Variants in ARHGEF10L observed in about 807,000 individuals in gnomAD.
The protein encoded by ARHGEF10L is Rho guanine nucleotide exchange factor 10 like.
In ARHGEF10L, 69 loss-of-function variants were observed where a neutral mutation model predicts 141.2. That is an observed-to-expected ratio of 0.49 (90% CI 0.40 to 0.60). The LOEUF is 0.60. Among genes scored for constraint, ARHGEF10L ranks in the 20% least tolerant of loss-of-function variants. The pLI, the probability that ARHGEF10L is intolerant of heterozygous loss-of-function variation, is 0.00. For missense variants in ARHGEF10L, 1,482 were observed against 1,734.3 expected (o/e 0.85, Z 2.58); for synonymous variants, 711 against 718.5 (o/e 0.99, Z 0.17).
At chr1:17,544,517 A>G (rs1219763064) in intron 1 of ARHGEF10L, among the ~76,000 whole-genome samples, 1 of 151,360 alleles carries the variant, frequency 6.6e-6, no homozygotes. Flanking sequence ...CTGGTCTCAA[A>G]CTCCTGACCT....
At chr1:17,514,162 A>T in the ARHGEF10L span, among the ~76,000 whole-genome samples, 2 of 95,152 alleles carry the variant, frequency 2.1e-5, no homozygotes, top group African/African-American at 4.2e-5. Context: ...TTTTTGACAG[A>T]GTCTCGCTCC....
Position 17,654,730 on chromosome 1 carries a change from ACC to A in ARHGEF10L, c.2481+13_2481+14del. The A allele has an allele frequency of 3.1e-6, 5 of 1,612,836 alleles. No homozygotes were observed. The highest frequency in any genetic ancestry group is 4.2e-6 in the Non-Finnish European group (5 of 1,179,350). On this transcript the variant is annotated intron_variant, in intron 23 of 28. Transcript: ENST00000361221. The surrounding 1 kb of genome is among the most constrained non-coding windows in gnomAD (Gnocchi z 4.3). ...CCACAGGGCTACCTCTGGGTGAGTC[ACC>A]CCCCTGCCCAGCTGGGCATTCTGGC...
chr1:17,551,214 GCA>G (rs1473360447), intron 1 of ARHGEF10L, among the ~76,000 whole-genome samples: 5 of 152,246 alleles, frequency 3.3e-5, no homozygotes, highest in African/African-American at 1.2e-4. Context: ...TATTTACTAA[GCA>G]CCTACTGAAT....
chr1:17,624,254 A>T (rs925534524), intron 12 of ARHGEF10L, 133 bp from the exon 13 acceptor site: 82 of 728,250 alleles, frequency 1.1e-4, no homozygotes, highest in Non-Finnish European at 1.9e-4. Context: ...CGAGGTCCCA[A>T]GGGAGTGTGG....
intron 19 of ARHGEF10L, 105 bp from the exon 20 acceptor site, chr1:17,638,457 T>C: frequency 6.6e-7 from 1 of 1,516,784 alleles, no homozygotes; most frequent in Non-Finnish European, 8.9e-7. Context: ...CCAGGACTTC[T>C]TCAGTTTCTC....
chr1:17,557,729 G>C (rs2077391016), intron 1 of ARHGEF10L, among the ~76,000 whole-genome samples: 1 of 152,228 alleles, frequency 6.6e-6, no homozygotes, highest in Non-Finnish European at 1.5e-5. Context: ...TAGGTCCGGG[G>C]AAGGACTCAT....
intron 21 of ARHGEF10L, among the ~76,000 whole-genome samples, chr1:17,647,683 C>T (rs908864252): frequency 2.0e-5 from 3 of 152,052 alleles, no homozygotes; most frequent in African/African-American, 2.4e-5. Context: ...AAATGGACCA[C>T]GGATGATTTT....
chr1:17,634,370 A>C (rs2060874260), intron 16 of ARHGEF10L, 178 bp from the exon 17 acceptor site: 1 of 952,532 alleles, frequency 1.0e-6, no homozygotes, highest in African/African-American at 1.6e-5. Flanking sequence ...CCAGAGATGA[A>C]GGAAGGCCCG....
At position 17,609,322 on chromosome 1, in the gene ARHGEF10L, G is replaced by C. The variant is rs1030941761; in HGVS notation, c.609+1345G>C. Among the ~76,000 whole-genome samples the C allele has an allele frequency of 3.9e-5, 6 of 152,216 alleles. No individual in the cohort carries two copies. In the East Asian group the frequency reaches 1.2e-3, roughly 29 times the overall value. On this transcript the variant is annotated intron_variant, in intron 7 of 28. Transcript: ENST00000361221. ...TCCTGAGCAAGCCTGGGACTGAGCAGGTCTCTCTCAGCCTGCTGTTTCCAG... is the reference window on the plus strand; with the variant it reads ...TCCTGAGCAAGCCTGGGACTGAGCACGTCTCTCTCAGCCTGCTGTTTCCAG...
rs1234758068 is a variant in ARHGEF10L at position 17,556,188 on chromosome 1, G to A, written c.-44+16238G>A. ...GAGCATTGGGGGAGGCTGGGAGCCC[G>A]GAGAGGGGCCTGGGAGCACAGGGGG... On this transcript the variant is annotated intron_variant, in intron 1 of 28. Transcript: ENST00000361221. Among the ~76,000 whole-genome samples, 11 of 124,880 alleles carry A rather than the reference G, an allele frequency of 8.8e-5. No homozygotes were observed. The East Asian group carries it at 2.7e-3, about 31-fold the overall frequency. 81.9% of individuals were successfully genotyped at this position (124,880 alleles called of 152,430 possible).
In ARHGEF10L at chr1:17,619,984, T is replaced by A. The variant is rs1318833765; in HGVS notation, c.942+539T>A. ...CCGGTGGGTCAGCTGAGGTCAGGAG[T>A]TCGAGACCATCCTGGCCAACATGGT... On this transcript the variant is annotated intron_variant, in intron 10 of 28. Coordinates refer to ENST00000361221, the MANE Select transcript of ARHGEF10L (RefSeq NM_018125.4). This position sits in a 1 kb window ranked among gnomAD's most constrained non-coding sequence, Gnocchi z 5.0. 1.3e-5 allele frequency among the ~76,000 whole-genome samples: 2 copies of A among 151,590 alleles called. No individual in the cohort carries two copies. Among genetic ancestry groups the A allele is most frequent in the Non-Finnish European group, 2.9e-5 (2 of 67,876 alleles).
intron 21 of ARHGEF10L, among the ~76,000 whole-genome samples, chr1:17,647,402 A>G (rs951600021): frequency 6.6e-6 from 1 of 152,190 alleles, no homozygotes; most frequent in Non-Finnish European, 1.5e-5. Context: ...GGTGCATAGT[A>G]GGTGGTGTCT....
chr1:17,543,381 G>C (rs2100627681), intron 1 of ARHGEF10L, among the ~76,000 whole-genome samples: 1 of 152,156 alleles, frequency 6.6e-6, no homozygotes, highest in East Asian at 2.0e-4. Context: ...TCGGGAGTTC[G>C]AGACTAGCCT....
rs116189249 is a variant in ARHGEF10L, at chr1:17,619,960, C to A, written c.942+515C>A. Among the ~76,000 whole-genome samples, 5,623 of 151,902 alleles carry A rather than the reference C, an allele frequency of 0.037. 372 individuals are homozygous for A. Among genetic ancestry groups the A allele is most frequent in the African/African-American group, 0.13 (5,340 of 41,352 alleles). On this transcript the variant is annotated intron_variant, in intron 10 of 28. Transcript: ENST00000361221. The surrounding 1 kb of genome is among the most constrained non-coding windows in gnomAD (Gnocchi z 5.0). ...CCCCAGCACTTTGGGAGGGTGAAGCCGGTGGGTCAGCTGAGGTCAGGAGTT... is the reference window on the plus strand; with the variant it reads ...CCCCAGCACTTTGGGAGGGTGAAGCAGGTGGGTCAGCTGAGGTCAGGAGTT...
At chr1:17,650,471 G>A (rs1463711138) in intron 22 of ARHGEF10L, among the ~76,000 whole-genome samples, 2 of 151,910 alleles carry the variant, frequency 1.3e-5, no homozygotes, top group African/African-American at 2.4e-5. Context: ...GGTAGCTCAC[G>A]TCTGTAATCC....
rs533358720 is a variant in ARHGEF10L, at chr1:17,558,134, C to T, written c.-44+18184C>T. Among the ~76,000 whole-genome samples, 162 of 152,190 alleles carry T rather than the reference C, an allele frequency of 1.1e-3. No individual in the cohort carries two copies. The highest frequency in any genetic ancestry group is 3.7e-3 in the African/African-American group (154 of 41,528). On this transcript the variant is annotated intron_variant, in intron 1 of 28. Transcript: ENST00000361221. The surrounding 1 kb of genome is among the most constrained non-coding windows in gnomAD (Gnocchi z 4.2). ...TTGTCCATCCATCCATCCATTCACT[C>T]ATCCATTCATCCATTTATCCATCCA...
Position 17,656,654 on chromosome 1 carries a change from C to T in ARHGEF10L, c.2806C>T (p.His936Tyr), listed in dbSNP as rs2062276766. Residue 936 changes from histidine to tyrosine, a missense_variant, in exon 25 of 29, where the codon CAC becomes TAC. By Grantham distance (83) the His-to-Tyr change is moderately conservative. Around this residue, in one of 3 missense-constraint regions of ARHGEF10L, gnomAD observed 858 missense variants for 966.3 expected, o/e 0.89. Transcript: ENST00000361221. The surrounding 1 kb of genome is among the most constrained non-coding windows in gnomAD (Gnocchi z 4.9). ...PVLCLRHSPFHLLAGLQDGTL... is the reference protein window; with the variant it reads ...PVLCLRHSPFYLLAGLQDGTL... ...GCTCTGCCTGCGACACAGCCCCTTC[C>T]ACCTGCTCGCTGGCCTGCAGGATGG... 1.9e-6 allele frequency: 3 copies of T among 1,613,686 alleles called. No individual in the cohort carries two copies.
intron 8 of ARHGEF10L, among the ~76,000 whole-genome samples, chr1:17,614,562 C>T (rs1054737656): frequency 1.3e-5 from 2 of 152,194 alleles, no homozygotes; most frequent in Non-Finnish European, 2.9e-5. Context: ...GAACTGGATT[C>T]TGGAACAGAG....
chr1:17,689,095 G>A (rs535737367), intron 27 of ARHGEF10L, among the ~76,000 whole-genome samples: 7 of 152,212 alleles, frequency 4.6e-5, no homozygotes, highest in African/African-American at 7.2e-5. Flanking sequence ...TCAGCAGGCC[G>A]GGCGTCTTGC....
Sources: allele counts gnomAD v4.1 joint callset (sites outside exome capture counted in the v4.1 genomes callset), GRCh38; gene constraint gnomAD v4.1.1; regional missense constraint gnomAD v4.1.1; non-coding constraint Gnocchi (gnomAD v3.1); transcripts MANE v1.5; gene names NCBI Gene and HGNC (gene_info 2026-07-23, HGNC 2026-07-21).